The following ULK4 variants were observed in gnomAD, a reference collection of about 807,000 sequenced individuals.
ULK4 encodes unc-51 like kinase 4.
ULK4 carries 133 observed loss-of-function variants against 160.6 expected under a neutral mutation model. That is an observed-to-expected ratio of 0.83 (90% CI 0.72 to 0.96). ULK4 has a LOEUF of 0.96. ULK4 is among the 40% of genes least tolerant of loss of function. The probability of loss-of-function intolerance (pLI) is 0.00; values close to 1 mark genes in which losing one functional copy is unlikely to be tolerated. For missense variants in ULK4, 1,580 were observed against 1,499.5 expected (o/e 1.05, Z -0.89); for synonymous variants, 534 against 539.8 (o/e 0.99, Z 0.15).
At chr3:41,345,367 A>C (rs1243344904) in intron 35 of ULK4, among the ~76,000 whole-genome samples, 1 of 152,232 alleles carries the variant, frequency 6.6e-6, no homozygotes, top group African/African-American at 2.4e-5. Flanking sequence ...AAGACATGGA[A>C]TCAACCTAAA....
intron 21 of ULK4, among the ~76,000 whole-genome samples, chr3:41,776,242 A>G (rs1406804654): frequency 6.6e-6 from 1 of 151,084 alleles, no homozygotes; most frequent in Non-Finnish European, 1.5e-5. Context: ...TTCTTCTTCT[A>G]TAAAGTAATT....
At chr3:41,774,154 A>G (rs2125924346) in intron 21 of ULK4, among the ~76,000 whole-genome samples, 1 of 152,270 alleles carries the variant, frequency 6.6e-6, no homozygotes, top group African/African-American at 2.4e-5. Context: ...TTCAGGACAT[A>G]GGCATGGGCA....
chr3:41,344,555 C>G (rs1192561515), intron 35 of ULK4, among the ~76,000 whole-genome samples: 1 of 151,794 alleles, frequency 6.6e-6, no homozygotes, highest in Non-Finnish European at 1.5e-5. Flanking sequence ...AGTTTGAGAC[C>G]GGCCTGGCCA....
In ULK4 at chr3:41,758,507, C is replaced by T. The variant is rs552592778; in HGVS notation, c.2194-4019G>A. Among the ~76,000 whole-genome samples the T allele has an allele frequency of 3.9e-5, 6 of 152,136 alleles. No individual in the cohort carries two copies. The East Asian group carries it at 7.7e-4, about 20-fold the overall frequency. ...AAAACTCCTCAACAATATATAAGCACGTTGATCCAGAATATATTAAAAGAA... is the reference window on the plus strand; with the variant it reads ...AAAACTCCTCAACAATATATAAGCATGTTGATCCAGAATATATTAAAAGAA... On this transcript the variant is annotated intron_variant, in intron 21 of 36. Coordinates refer to ENST00000301831, the MANE Select transcript of ULK4 (RefSeq NM_017886.4).
intron 22 of ULK4, among the ~76,000 whole-genome samples, chr3:41,753,307 A>ACT (rs2038690696): frequency 6.6e-6 from 1 of 151,538 alleles, no homozygotes; most frequent in African/African-American, 2.4e-5. Context: ...TACAAAGCCT[A>ACT]CTCTCTCACT....
chr3:41,865,965 A>G (rs1188579662), intron 17 of ULK4, among the ~76,000 whole-genome samples: 1 of 152,230 alleles, frequency 6.6e-6, no homozygotes, highest in East Asian at 1.9e-4. Context: ...TAAAGATACC[A>G]TAAAATAAAA....
chr3:41,327,186 A>C (rs1334751753), intron 35 of ULK4, among the ~76,000 whole-genome samples: 3 of 152,196 alleles, frequency 2.0e-5, no homozygotes, highest in African/African-American at 4.8e-5. Context: ...GGGGGAAAAA[A>C]GGATGATCTA....
intron 34 of ULK4, among the ~76,000 whole-genome samples, chr3:41,414,716 T>C (rs770566170): frequency 6.6e-6 from 1 of 152,188 alleles, no homozygotes. Context: ...CTTTCATATA[T>C]CACTCCTGCC....
intron 32 of ULK4, among the ~76,000 whole-genome samples, chr3:41,559,043 C>G (rs958939311): frequency 7.4e-6 from 1 of 134,318 alleles, no homozygotes; most frequent in African/African-American, 2.9e-5. Flanking sequence ...CACCCCACAA[C>G]AGGCCCCGGT....
chr3:41,848,774 T>C (rs1250282670), intron 17 of ULK4, among the ~76,000 whole-genome samples: 1 of 152,198 alleles, frequency 6.6e-6, no homozygotes, highest in Non-Finnish European at 1.5e-5. Context: ...TATTCCAATC[T>C]TCTCTTGGAG....
rs139773781 is a variant in ULK4, at chr3:41,723,873, G to A, written c.2322-6012C>T. Among the ~76,000 whole-genome samples, 6 of 152,256 alleles carry A rather than the reference G, an allele frequency of 3.9e-5. No homozygotes were observed. In the South Asian group the frequency reaches 6.2e-4, roughly 16 times the overall value. On this transcript the variant is annotated intron_variant, in intron 22 of 36. Coordinates refer to ENST00000301831, the MANE Select transcript of ULK4 (RefSeq NM_017886.4). ...TCTGGTAGCCCAGTCGTTTCCTTCC[G>A]AGCATGTGACTGGAACACTCTGCAT...
chr3:41,483,545 T>A (rs1024392188), intron 32 of ULK4, among the ~76,000 whole-genome samples: 1 of 152,078 alleles, frequency 6.6e-6, no homozygotes, highest in Non-Finnish European at 1.5e-5. Context: ...TAGAAAATAA[T>A]GATTATCCTT....
chr3:41,526,443 A>G (rs2086119696), intron 32 of ULK4, among the ~76,000 whole-genome samples: 1 of 152,324 alleles, frequency 6.6e-6, no homozygotes, highest in African/African-American at 2.4e-5. Context: ...GGTCCTGTCT[A>G]GTTCTGCCTA....
At chr3:41,773,082 G>C (rs143471293) in intron 21 of ULK4, among the ~76,000 whole-genome samples, 2 of 151,860 alleles carry the variant, frequency 1.3e-5, no homozygotes, top group African/African-American at 4.8e-5. Context: ...GAAATAATAA[G>C]AGCTATCTAT....
chr3:41,704,908 A>G (rs2036816483), intron 27 of ULK4, 149 bp downstream of exon 27: 1 of 560,356 alleles, frequency 1.8e-6, no homozygotes, highest in Non-Finnish European at 3.0e-6. Context: ...GGGATTTCCT[A>G]TGTTCATCCT....
At chr3:41,477,432 CT>C (rs1380710647) in intron 32 of ULK4, among the ~76,000 whole-genome samples, 1 of 152,150 alleles carries the variant, frequency 6.6e-6, no homozygotes, top group Admixed American at 6.6e-5. Flanking sequence ...CAAAGGTAAC[CT>C]TCCTGCATAG....
At chr3:41,476,078 G>T (rs533665432) in intron 32 of ULK4, among the ~76,000 whole-genome samples, 1 of 148,740 alleles carries the variant, frequency 6.7e-6, no homozygotes, top group African/African-American at 2.5e-5. Flanking sequence ...AGGGAAAGGA[G>T]GAGGGAGGGA....
intron 27 of ULK4, among the ~76,000 whole-genome samples, chr3:41,687,002 G>A (rs1278188702): frequency 2.0e-5 from 3 of 152,114 alleles, no homozygotes; most frequent in African/African-American, 7.2e-5. Flanking sequence ...AGGATAGCTT[G>A]AGCCCAGGAA....
intron 30 of ULK4, among the ~76,000 whole-genome samples, chr3:41,634,201 G>C (rs1356706514): frequency 6.6e-6 from 1 of 152,116 alleles, no homozygotes; most frequent in Non-Finnish European, 1.5e-5. Context: ...CCTTCACATG[G>C]GGAACTTGCT....
Sources: gnomAD v4.1 joint callset for allele counts (sites outside exome capture counted in the v4.1 genomes callset) on GRCh38, gnomAD v4.1.1 for gene constraint, MANE v1.5 for transcripts, NCBI Gene and HGNC (gene_info 2026-07-23, HGNC 2026-07-21) for gene names.